LUC7L3: variants seen among roughly 807,000 people sequenced by gnomAD.
LUC7L3 encodes luc7-like protein 3.
LUC7L3 carries 6 observed loss-of-function variants against 66.8 expected under a neutral mutation model. That is an observed-to-expected ratio of 0.09 (90% confidence interval 0.05 to 0.18). The LOEUF is 0.18. LUC7L3 is among the 10% of genes least tolerant of loss of function. The pLI is 1.00. For missense variants in LUC7L3, 341 were observed against 531.1 expected (o/e 0.64, Z 3.52); for synonymous variants, 160 against 174.7 (o/e 0.92, Z 0.66).
At chr17:50,727,607 T>C (rs1969278272) in intron 1 of LUC7L3, among the ~76,000 whole-genome samples, 1 of 152,162 alleles carries the variant, frequency 6.6e-6, no homozygotes, top group African/African-American at 2.4e-5. Context: ...AGGAAAGGCC[T>C]GTCAGACAAA....
chr17:50,723,425 T>G (rs560298200), intron 1 of LUC7L3: 1 of 152,508 alleles, frequency 6.6e-6, no homozygotes, highest in South Asian at 2.1e-4. Context: ...GAAAAATAGC[T>G]AAAGCTTCTG....
intron 1 of LUC7L3, among the ~76,000 whole-genome samples, chr17:50,729,534 T>G (rs1285029206): frequency 6.6e-6 from 1 of 152,098 alleles, no homozygotes; most frequent in Non-Finnish European, 1.5e-5. Context: ...AGGCAGGAAC[T>G]AACCCTGGAC....
At chr17:50,737,614 G>T (rs1485155553) in intron 2 of LUC7L3, 2 of 218,704 alleles carry the variant, frequency 9.1e-6, no homozygotes, top group Non-Finnish European at 9.3e-6. Flanking sequence ...ATGCATTGTG[G>T]GATGTTTAGC....
intron 2 of LUC7L3, 43 bp downstream of exon 2, chr17:50,737,069 T>C (rs1311590201): frequency 6.8e-7 from 1 of 1,460,236 alleles, no homozygotes; most frequent in Middle Eastern, 1.8e-4. Flanking sequence ...TTTATGATAT[T>C]TAAAATGTTG....
At chr17:50,736,709 G>A (rs747218478) in intron 1 of LUC7L3, 110 of 375,452 alleles carry the variant, frequency 2.9e-4, no homozygotes, top group Non-Finnish European at 4.0e-4. Flanking sequence ...TTGCTACTGG[G>A]GGGTCAGCAG....
intron 9 of LUC7L3, chr17:50,749,411 G>T: frequency 8.3e-7 from 1 of 1,200,248 alleles, no homozygotes. Context: ...AGCAAGTCTT[G>T]CGCTTAACTA....
intron 8 of LUC7L3, 115 bp downstream of exon 8, chr17:50,746,118 T>C: frequency 7.2e-7 from 1 of 1,389,282 alleles, no homozygotes; most frequent in Non-Finnish European, 9.4e-7. Context: ...CATCTTTAAG[T>C]GATAGGATGG....
Position 50,740,570 on chromosome 17 carries a change from GT to G in LUC7L3, c.206+233del, listed in dbSNP as rs199738115. ...TTTTTTTTTCTGTAGCCCATTTGCT[GT>G]TTTTTTTAAATGAGCCTCACTGTGT... On this transcript the variant is annotated intron_variant, in intron 3 of 9. Coordinates refer to ENST00000505658, the MANE Select transcript of LUC7L3 (RefSeq NM_016424.5). Among the ~76,000 whole-genome samples, 9 of 151,862 alleles carry G rather than the reference GT, an allele frequency of 5.9e-5. No individual in the cohort carries two copies. The East Asian group carries it at 1.2e-3, about 20-fold the overall frequency.
chr17:50,725,188 T>G (rs1013159732), intron 1 of LUC7L3, among the ~76,000 whole-genome samples: 1 of 152,122 alleles, frequency 6.6e-6, no homozygotes, highest in African/African-American at 2.4e-5. Flanking sequence ...GGCGGGTGGA[T>G]CACCTGAGCT....
At chr17:50,736,447 T>C (rs142970740) in intron 1 of LUC7L3, among the ~76,000 whole-genome samples, 399 of 152,322 alleles carry the variant, frequency 2.6e-3, no homozygotes, top group African/African-American at 8.8e-3. Context: ...TTTAAAACAT[T>C]TGCCAGGCAT....
At position 50,750,826 on chromosome 17, in the gene LUC7L3, C is replaced by T; in HGVS notation, c.*165C>T. 1 of 1,544,384 alleles carries T rather than the reference C, an allele frequency of 6.5e-7. No individual in the cohort carries two copies. The highest frequency in any genetic ancestry group is 8.7e-7 in the Non-Finnish European group (1 of 1,148,684). On this transcript the variant is annotated 3_prime_UTR_variant, in exon 10 of 10. Transcript: ENST00000505658. ...CAAAAGCCTCTTCTGAAGGAAAAGACAGTGTAGTCCTGCAAAACATTTTGA... is the reference window on the plus strand; with the variant it reads ...CAAAAGCCTCTTCTGAAGGAAAAGATAGTGTAGTCCTGCAAAACATTTTGA...
chr17:50,736,775 T>G, intron 1 of LUC7L3, 185 bp from the exon 2 acceptor site: 2 of 554,120 alleles, frequency 3.6e-6, no homozygotes, highest in South Asian at 4.6e-5. Flanking sequence ...TGCAGATTTA[T>G]TCTTTTATCG....
rs994855565 is a variant in LUC7L3, at chr17:50,745,576, A to T, written c.694-144A>T. On this transcript the variant is annotated intron_variant, in intron 7 of 9. Coordinates refer to ENST00000505658, the MANE Select transcript of LUC7L3 (RefSeq NM_016424.5). ...TTAGACAAATAATGATACCTTGTGT[A>T]TATACATGGTGTTGGAATGTCTACA... is the stretch of plus-strand genomic sequence containing the variant. 10 of 611,174 alleles carry T rather than the reference A, an allele frequency of 1.6e-5. No individual in the cohort carries two copies. In the South Asian group the frequency reaches 2.0e-4, roughly 13 times the overall value. 37.9% of individuals were successfully genotyped at this position (611,174 alleles called of 1,614,324 possible). A position where few individuals can be genotyped will look rare whatever the true frequency, so the allele number is the denominator to read the frequency against.
chr17:50,734,098 CAT>C (rs1969822839), intron 1 of LUC7L3, among the ~76,000 whole-genome samples: 1 of 151,910 alleles, frequency 6.6e-6, no homozygotes, highest in South Asian at 2.1e-4. Context: ...CTTTAGATAG[CAT>C]ATAGTCTTTT....
At chr17:50,731,860 T>C (rs1043832786) in intron 1 of LUC7L3, among the ~76,000 whole-genome samples, 3 of 152,068 alleles carry the variant, frequency 2.0e-5, no homozygotes, top group Non-Finnish European at 4.4e-5. Flanking sequence ...CTAAAAACAT[T>C]TAAAATAATA....
intron 6 of LUC7L3, among the ~76,000 whole-genome samples, chr17:50,744,243 G>A (rs541291100): frequency 1.3e-5 from 2 of 152,276 alleles, no homozygotes; most frequent in Non-Finnish European, 2.9e-5. Flanking sequence ...AATGTAATTG[G>A]TCATTGGTTC....
In LUC7L3 at chr17:50,740,358, G is replaced by T. The variant is rs1187594717; in HGVS notation, c.206+13G>T. On this transcript the variant is annotated intron_variant, in intron 3 of 9. Coordinates refer to ENST00000505658, the MANE Select transcript of LUC7L3 (RefSeq NM_016424.5). ...ATCTACGAAAACAGTAAGTTATTTT[G>T]CTTGTCATTTCCACCCCCCCAGTTA... 3 of 1,605,490 alleles carry T rather than the reference G, an allele frequency of 1.9e-6. No individual in the cohort carries two copies. Among genetic ancestry groups the T allele is most frequent in the South Asian group, 1.1e-5 (1 of 88,956 alleles).
At chr17:50,747,111 T>C (rs1040655735) in intron 9 of LUC7L3, among the ~76,000 whole-genome samples, 3 of 152,168 alleles carry the variant, frequency 2.0e-5, no homozygotes, top group Admixed American at 6.5e-5. Context: ...ATTTGTAGCA[T>C]TCATTTAAGT....
intron 1 of LUC7L3, among the ~76,000 whole-genome samples, chr17:50,727,766 T>C (rs1969290193): frequency 6.6e-6 from 1 of 152,118 alleles, no homozygotes; most frequent in Non-Finnish European, 1.5e-5. Context: ...TGTATGTTTT[T>C]GTTGGGTGGG....
Sources: allele counts gnomAD v4.1 joint callset (sites outside exome capture counted in the v4.1 genomes callset), GRCh38; gene constraint gnomAD v4.1.1; transcripts MANE v1.5; gene names NCBI Gene and HGNC (gene_info 2026-07-23, HGNC 2026-07-21).